The following FAM168A variants were observed in gnomAD, a reference collection of about 807,000 sequenced individuals.
FAM168A encodes protein FAM168A.
Under a neutral mutation model 28.5 loss-of-function variants are expected in FAM168A, and 3 were observed. That is an observed-to-expected ratio of 0.11 (90% CI 0.05 to 0.27). FAM168A has a LOEUF of 0.27. Among genes scored for constraint, FAM168A ranks in the 10% least tolerant of loss-of-function variants. The pLI is 1.00. For synonymous variants in FAM168A, 122 were observed against 124.2 expected, an observed-to-expected ratio of 0.98 and a Z score of 0.12; for missense variants, 222 against 311.5, an observed-to-expected ratio of 0.71 and a Z score of 2.16.
chr11:73,545,990 C>T (rs186544492), intron 1 of FAM168A, among the ~76,000 whole-genome samples: 4 of 152,126 alleles, frequency 2.6e-5, no homozygotes, highest in Non-Finnish European at 5.9e-5. Flanking sequence ...TTATCAGAGC[C>T]AAGAGTTGAT....
At chr11:73,474,686 A>T (rs1671765417) in intron 1 of FAM168A, among the ~76,000 whole-genome samples, 1 of 152,156 alleles carries the variant, frequency 6.6e-6, no homozygotes, top group South Asian at 2.1e-4. Context: ...TCTTTCCCCC[A>T]TTAGAGTAAG....
intron 4 of FAM168A, among the ~76,000 whole-genome samples, chr11:73,412,541 C>T (rs905891480): frequency 6.6e-6 from 1 of 152,214 alleles, no homozygotes; most frequent in Non-Finnish European, 1.5e-5. Flanking sequence ...ACACTGTCTC[C>T]TTTTAGAATC....
chr11:73,582,957 A>G (rs1590750279), intron 1 of FAM168A, among the ~76,000 whole-genome samples: 1 of 152,226 alleles, frequency 6.6e-6, no homozygotes, highest in African/African-American at 2.4e-5. Flanking sequence ...GAGTAGAGAC[A>G]ACACAACGGG....
intron 1 of FAM168A, among the ~76,000 whole-genome samples, chr11:73,496,528 A>C (rs1376889125): frequency 6.6e-6 from 1 of 152,164 alleles, no homozygotes; most frequent in Non-Finnish European, 1.5e-5. Flanking sequence ...TTAAGATGGT[A>C]AATTTTATGT....
chr11:73,453,995 T>C (rs899571962), intron 2 of FAM168A, among the ~76,000 whole-genome samples: 2 of 152,222 alleles, frequency 1.3e-5, no homozygotes, highest in Non-Finnish European at 2.9e-5. Context: ...TGACCTTTCA[T>C]AGGATACTTA....
At chr11:73,484,711 G>GAT (rs200499459) in intron 1 of FAM168A, among the ~76,000 whole-genome samples, 26 of 129,062 alleles carry the variant, frequency 2.0e-4, no homozygotes, top group African/African-American at 6.9e-4. Flanking sequence ...GATATATATA[G>GAT]ATATATATAT....
At chr11:73,424,753 A>C (rs1866853769) in intron 3 of FAM168A, among the ~76,000 whole-genome samples, 1 of 152,096 alleles carries the variant, frequency 6.6e-6, no homozygotes, top group Admixed American at 6.6e-5. Flanking sequence ...TGTTTGTTTG[A>C]ATTCGGCAGC....
At chr11:73,577,251 G>A (rs983328027) in intron 1 of FAM168A, among the ~76,000 whole-genome samples, 1 of 152,164 alleles carries the variant, frequency 6.6e-6, no homozygotes, top group Non-Finnish European at 1.5e-5. Flanking sequence ...GAACAGATAT[G>A]CCTTATTAAC....
chr11:73,446,469 A>C (rs1353829392), intron 2 of FAM168A, among the ~76,000 whole-genome samples: 1 of 152,238 alleles, frequency 6.6e-6, no homozygotes, highest in Non-Finnish European at 1.5e-5. Context: ...CTCAAGGGAT[A>C]TGAGAAAATT....
chr11:73,545,683 CTTT>C (rs966309670), intron 1 of FAM168A, among the ~76,000 whole-genome samples: 1 of 105,172 alleles, frequency 9.5e-6, no homozygotes, highest in Non-Finnish European at 1.8e-5. Context: ...ATACTATATA[CTTT>C]TTTTTTTTTT....
chr11:73,593,082 G>A (rs1281596024), intron 1 of FAM168A, among the ~76,000 whole-genome samples: 1 of 151,920 alleles, frequency 6.6e-6, no homozygotes, highest in Non-Finnish European at 1.5e-5. Flanking sequence ...AAGTTGCAAA[G>A]GTAAAAAATA....
chr11:73,496,873 T>TCTCACACACACACACACACACA (rs368457408), intron 1 of FAM168A, among the ~76,000 whole-genome samples: 1 of 140,130 alleles, frequency 7.1e-6, no homozygotes, highest in African/African-American at 2.7e-5. Flanking sequence ...TATGTTCTTA[T>TCTCACACACACACACACACACA]CACACACACA....
chr11:73,465,851 A>G (rs562443172), intron 2 of FAM168A, among the ~76,000 whole-genome samples: 118 of 152,298 alleles, frequency 7.7e-4, no homozygotes, highest in Non-Finnish European at 1.2e-3. Context: ...TATATAAGGA[A>G]CTAGTTATAA....
At chr11:73,551,879 T>C (rs1161187238) in intron 1 of FAM168A, among the ~76,000 whole-genome samples, 4 of 152,246 alleles carry the variant, frequency 2.6e-5, no homozygotes, top group African/African-American at 7.2e-5. Context: ...AGAACTGCCA[T>C]GTGCTATCAG....
chr11:73,447,410 A>C (rs1867337966), intron 2 of FAM168A, among the ~76,000 whole-genome samples: 1 of 151,880 alleles, frequency 6.6e-6, no homozygotes, highest in Admixed American at 6.6e-5. Flanking sequence ...AAAAATAGCC[A>C]GGCACAGCAG....
At chr11:73,560,014 TTA>T (rs1943939535) in intron 1 of FAM168A, among the ~76,000 whole-genome samples, 1 of 152,126 alleles carries the variant, frequency 6.6e-6, no homozygotes, top group Admixed American at 6.5e-5. Flanking sequence ...ATCCAAGCAG[TTA>T]TATCCACAGA....
At chr11:73,519,154 T>C (rs1322034379) in intron 1 of FAM168A, among the ~76,000 whole-genome samples, 1 of 152,220 alleles carries the variant, frequency 6.6e-6, no homozygotes, top group Non-Finnish European at 1.5e-5. Flanking sequence ...CAATGTGATC[T>C]TGCCACAACT....
At chr11:73,483,205 G>A (rs752809660) in intron 1 of FAM168A, among the ~76,000 whole-genome samples, 1 of 152,134 alleles carries the variant, frequency 6.6e-6, no homozygotes, top group African/African-American at 2.4e-5. Context: ...ATAAATTGTG[G>A]TTTTTATCAT....
Position 73,535,403 on chromosome 11 carries a change from C to T in FAM168A, c.-19+62520G>A, listed in dbSNP as rs1192426997. On this transcript the variant is annotated intron_variant, in intron 1 of 7. Transcript: ENST00000356467. ...TACAGGTGCTCACGACCACATCCAG[C>T]TATTTTCTTTCTTTCTTTTTTTTTT... Among the ~76,000 whole-genome samples the T allele has an allele frequency of 5.4e-5, 8 of 148,810 alleles. No homozygotes were observed. The East Asian group carries it at 1.6e-3, about 29-fold the overall frequency.
Sources: gnomAD v4.1 joint callset for allele counts (sites outside exome capture counted in the v4.1 genomes callset) on GRCh38, gnomAD v4.1.1 for gene constraint, MANE v1.5 for transcripts, NCBI Gene and HGNC (gene_info 2026-07-23, HGNC 2026-07-21) for gene names.